The following ZNF292 variants were observed in gnomAD, a reference collection of about 807,000 sequenced individuals.
The protein encoded by ZNF292 is zinc finger protein 292.
Under a neutral mutation model 217.9 loss-of-function variants are expected in ZNF292, and 26 were observed. That is an observed-to-expected ratio of 0.12 (90% confidence interval 0.09 to 0.17). The LOEUF (loss-of-function observed/expected upper bound fraction) is 0.17, where lower values mean the gene tolerates loss of function less well. Ranked by LOEUF, ZNF292 falls within the 10% of genes least tolerant of loss-of-function variation. ZNF292 has a pLI of 1.00. For synonymous variants in ZNF292, 1,257 were observed against 1,124.1 expected (o/e 1.12, Z -2.37); for missense variants, 2,904 against 3,175.2 (o/e 0.91, Z 2.05).
At chr6:87,198,953 T>C (rs1163557915) in intron 1 of ZNF292, among the ~76,000 whole-genome samples, 1 of 152,246 alleles carries the variant, frequency 6.6e-6, no homozygotes, top group African/African-American at 2.4e-5. Context: ...TAGGCAGTTA[T>C]AAATAGTGTT....
chr6:87,189,748 T>TA (rs1771774533), intron 1 of ZNF292, among the ~76,000 whole-genome samples: 1 of 152,148 alleles, frequency 6.6e-6, no homozygotes, highest in South Asian at 2.1e-4. Context: ...GCTGGTTTAA[T>TA]ACTGTTTGTC....
chr6:87,162,526 T>A (rs553423847), intron 1 of ZNF292, among the ~76,000 whole-genome samples: 1 of 152,338 alleles, frequency 6.6e-6, no homozygotes, highest in South Asian at 2.1e-4. Flanking sequence ...GAGCAATAAG[T>A]CATTTAAACT....
chr6:87,194,725 T>G (rs1171510333), intron 1 of ZNF292, among the ~76,000 whole-genome samples: 1 of 152,152 alleles, frequency 6.6e-6, no homozygotes, highest in African/African-American at 2.4e-5. Flanking sequence ...TATCAAAACC[T>G]AACAAATAGT....
chr6:87,180,859 T>A (rs1771450862), intron 1 of ZNF292, among the ~76,000 whole-genome samples: 1 of 152,254 alleles, frequency 6.6e-6, no homozygotes, highest in East Asian at 1.9e-4. Context: ...ACATTGATAG[T>A]TATTTTCCTA....
rs903276335 is a variant in ZNF292, at chr6:87,261,734, A to G, written c.8105A>G (p.Asn2702Ser). The part of the protein sequence containing the change: ...VSLKKLEVHS[N>S]DPDMSVMKDI... ...CTGAAAAAACTTGAAGTACATTCAAATGATCCAGATATGTCTGTTATGAAA... is the reference window on the plus strand; with the variant it reads ...CTGAAAAAACTTGAAGTACATTCAAGTGATCCAGATATGTCTGTTATGAAA... The change falls in exon 8 of 8, where the codon AAT (asparagine) becomes AGT (serine). Residue 2702 changes from asparagine to serine, a missense_variant. Transcript: ENST00000369577. The G allele has an allele frequency of 1.2e-6, 2 of 1,613,136 alleles. No individual in the cohort carries two copies. Among genetic ancestry groups the G allele is most frequent in the African/African-American group, 1.3e-5 (1 of 75,014 alleles).
At chr6:87,224,105 G>A (rs973235773) in intron 4 of ZNF292, among the ~76,000 whole-genome samples, 1 of 152,076 alleles carries the variant, frequency 6.6e-6, no homozygotes, top group Non-Finnish European at 1.5e-5. Context: ...CTTAATCCTA[G>A]TATACCCCTA....
In ZNF292 at chr6:87,226,652, TATATATAGATATATAG is replaced by T. The variant is rs201588025; in HGVS notation, c.539-6654_539-6639del. On this transcript the variant is annotated intron_variant, in intron 4 of 7. Coordinates refer to ENST00000369577, the MANE Select transcript of ZNF292 (RefSeq NM_015021.3). ...GTGTATATATATCTATATATCTATA[TATATATAGATATATAG>T]ATATATAGATATATAGATTTTTTTT... 9.6e-3 allele frequency among the ~76,000 whole-genome samples: 1,327 copies of T among 138,606 alleles called. 19 individuals are homozygous for T. Among genetic ancestry groups the T allele is most frequent in the African/African-American group, 0.034 (1,242 of 36,204 alleles). The allele number at this position is 138,606 out of a possible 152,430, so 90.9% of individuals were successfully genotyped here.
chr6:87,180,681 A>G (rs1771446253), intron 1 of ZNF292, among the ~76,000 whole-genome samples: 1 of 87,560 alleles, frequency 1.1e-5, no homozygotes, highest in South Asian at 3.5e-4. Context: ...CTTAAGCCCC[A>G]GCAACCACAG....
rs1229528331 is a variant in ZNF292, at chr6:87,262,687, GTGA to G, written c.*888_*890del. On this transcript the variant is annotated 3_prime_UTR_variant, in exon 8 of 8. Coordinates refer to ENST00000369577, the MANE Select transcript of ZNF292 (RefSeq NM_015021.3). ...TGGAGCAGTGTAAATATTTGAGGTG[GTGA>G]TTTGTGAAGTAGCCCAGTATTGCCT... 1 of 151,908 alleles carries G rather than the reference GTGA, an allele frequency of 6.6e-6. No homozygotes were observed. The highest frequency in any genetic ancestry group is 6.6e-5 in the Admixed American group (1 of 15,260). 9.4% of individuals were successfully genotyped at this position (151,908 alleles called of 1,614,324 possible). A position where few individuals can be genotyped will look rare whatever the true frequency, so the allele number is the denominator to read the frequency against.
chr6:87,166,270 T>C (rs1258938728), intron 1 of ZNF292, among the ~76,000 whole-genome samples: 1 of 152,224 alleles, frequency 6.6e-6, no homozygotes, highest in Admixed American at 6.5e-5. Flanking sequence ...CACAAGCATA[T>C]CTGTTCATTT....
At position 87,258,446 on chromosome 6, in the gene ZNF292, T is replaced by A; in HGVS notation, c.4817T>A (p.Val1606Asp). ...AATTTTACCAGTAACAGTTCTCGTGTTTCTGTTATAAGTGGTCCTCAGAAC... is the reference window on the plus strand; with the variant it reads ...AATTTTACCAGTAACAGTTCTCGTGATTCTGTTATAAGTGGTCCTCAGAAC... Reference protein sequence around the residue: ...SQNFTSNSSRVSVISGPQNTR... With the variant: ...SQNFTSNSSRDSVISGPQNTR... Residue 1606 changes from valine to aspartate, a missense_variant, in exon 8 of 8, where the codon GTT becomes GAT. Coordinates refer to ENST00000369577, the MANE Select transcript of ZNF292 (RefSeq NM_015021.3). 6.2e-7 allele frequency: 1 copy of A among 1,613,706 alleles called. No individual in the cohort carries two copies. Among genetic ancestry groups the A allele is most frequent in the Non-Finnish European group, 8.5e-7 (1 of 1,179,778 alleles).
intron 7 of ZNF292, among the ~76,000 whole-genome samples, chr6:87,247,028 G>C (rs2083390858): frequency 6.6e-6 from 1 of 152,060 alleles, no homozygotes; most frequent in Non-Finnish European, 1.5e-5. Flanking sequence ...GGTGGCAGGT[G>C]CCTGTAGTCC....
At chr6:87,247,694 A>G (rs1229370471) in intron 7 of ZNF292, among the ~76,000 whole-genome samples, 1 of 152,222 alleles carries the variant, frequency 6.6e-6, no homozygotes, top group Non-Finnish European at 1.5e-5. Context: ...TTATAAACAT[A>G]CAAAACTATC....
intron 1 of ZNF292, among the ~76,000 whole-genome samples, chr6:87,164,316 A>G (rs1451029917): frequency 6.6e-6 from 1 of 152,182 alleles, no homozygotes; most frequent in Non-Finnish European, 1.5e-5. Flanking sequence ...GGATTTCTTT[A>G]CATAGCATCA....
intron 1 of ZNF292, among the ~76,000 whole-genome samples, chr6:87,181,054 G>T (rs1202072521): frequency 2.0e-5 from 3 of 152,076 alleles, no homozygotes; most frequent in Non-Finnish European, 4.4e-5. Context: ...AGGGGTGAGT[G>T]CCTGCAACCC....
intron 1 of ZNF292, among the ~76,000 whole-genome samples, chr6:87,157,447 CG>C (rs1188706837): frequency 1.3e-5 from 2 of 152,038 alleles, no homozygotes; most frequent in Non-Finnish European, 2.9e-5. Flanking sequence ...ATTTGTAAGT[CG>C]AATCAGTTTT....
intron 1 of ZNF292, among the ~76,000 whole-genome samples, chr6:87,183,220 G>A (rs1771522856): frequency 6.6e-6 from 1 of 152,146 alleles, no homozygotes; most frequent in African/African-American, 2.4e-5. Flanking sequence ...AGTACTAGAG[G>A]AAGTTTATAA....
intron 1 of ZNF292, among the ~76,000 whole-genome samples, chr6:87,165,248 A>G (rs564131481): frequency 1.3e-5 from 2 of 152,212 alleles, no homozygotes; most frequent in East Asian, 1.9e-4. Context: ...TGTCTTTCTC[A>G]GTGGCAGTCT....
chr6:87,187,156 TG>T (rs1771689277), intron 1 of ZNF292, among the ~76,000 whole-genome samples: 1 of 152,246 alleles, frequency 6.6e-6, no homozygotes. Flanking sequence ...AAGAAATTCC[TG>T]CAGTAACTAG....
Sources: gnomAD v4.1 joint callset for allele counts (sites outside exome capture counted in the v4.1 genomes callset) on GRCh38, gnomAD v4.1.1 for gene constraint, MANE v1.5 for transcripts, NCBI Gene and HGNC (gene_info 2026-07-23, HGNC 2026-07-21) for gene names.